PIGK: variants seen among roughly 807,000 people sequenced by gnomAD.
PIGK encodes GPI-anchor transamidase.
PIGK carries 42 observed loss-of-function variants against 50.6 expected under a neutral mutation model. The ratio of observed to expected loss-of-function variants is 0.83; its 90% CI spans 0.65 to 1.07. The LOEUF is 1.07. Among genes scored for constraint, PIGK ranks in the 50% least tolerant of loss-of-function variants. The pLI is 0.00. For missense variants in PIGK, 448 were observed against 488.7 expected (o/e 0.92, Z 0.78); for synonymous variants, 151 against 156.0 (o/e 0.97, Z 0.24).
intron 10 of PIGK, among the ~76,000 whole-genome samples, chr1:77,102,586 C>T (rs1207162242): frequency 6.6e-6 from 1 of 152,020 alleles, no homozygotes; most frequent in Non-Finnish European, 1.5e-5. Context: ...CTGATTCTTC[C>T]CCACACCCTC....
At chr1:77,169,437 G>T in intron 3 of PIGK, 42 bp from the exon 4 acceptor site, 1 of 1,481,588 alleles carries the variant, frequency 6.7e-7, no homozygotes. Flanking sequence ...TTAGATAAAA[G>T]GAAAAAGTTA....
chr1:77,195,177 C>A, intron 3 of PIGK: 1 of 1,215,236 alleles, frequency 8.2e-7, no homozygotes, highest in Non-Finnish European at 1.2e-6. Flanking sequence ...CAGAGGAGAC[C>A]CTCCTGTTCT....
intron 8 of PIGK, among the ~76,000 whole-genome samples, chr1:77,155,741 C>T (rs530192508): frequency 6.6e-6 from 1 of 152,092 alleles, no homozygotes; most frequent in South Asian, 2.1e-4. Context: ...ATATTATAGG[C>T]CTGCCAGGAA....
At chr1:77,211,379 A>G (rs1479818650) in intron 1 of PIGK, among the ~76,000 whole-genome samples, 7 of 152,008 alleles carry the variant, frequency 4.6e-5, no homozygotes, top group African/African-American at 1.7e-4. Flanking sequence ...TAAGAAGGTT[A>G]TTACATAAAG....
chr1:77,170,725 T>G (rs1440692469), intron 3 of PIGK, among the ~76,000 whole-genome samples: 1 of 152,240 alleles, frequency 6.6e-6, no homozygotes, highest in Non-Finnish European at 1.5e-5. Context: ...ATCTTCACTC[T>G]ACCATTAAAA....
chr1:77,189,601 T>C (rs1655835557), intron 3 of PIGK, among the ~76,000 whole-genome samples: 1 of 151,228 alleles, frequency 6.6e-6, no homozygotes, highest in Non-Finnish European at 1.5e-5. Flanking sequence ...GACTCCAAGT[T>C]TCAGTTTTGG....
chr1:77,107,223 T>G (rs965438916), intron 10 of PIGK, among the ~76,000 whole-genome samples: 2 of 152,180 alleles, frequency 1.3e-5, no homozygotes, highest in African/African-American at 2.4e-5. Context: ...CTTGTGGGCA[T>G]TTAGTGCTAT....
At chr1:77,113,780 G>T (rs1338912212) in intron 10 of PIGK, among the ~76,000 whole-genome samples, 1 of 152,050 alleles carries the variant, frequency 6.6e-6, no homozygotes, top group Non-Finnish European at 1.5e-5. Flanking sequence ...CCTCAGAATA[G>T]GTGACCACAT....
chr1:77,136,520 G>A (rs1382293738), intron 9 of PIGK, among the ~76,000 whole-genome samples: 2 of 125,712 alleles, frequency 1.6e-5, no homozygotes, highest in Non-Finnish European at 3.2e-5. Context: ...CTGGGCGACA[G>A]AGCGAGACTC....
intron 6 of PIGK, 133 bp from the exon 7 acceptor site, chr1:77,161,844 C>T (rs1655135691): frequency 3.1e-6 from 2 of 636,982 alleles, no homozygotes; most frequent in Non-Finnish European, 5.7e-6. Context: ...CAGCAGAATT[C>T]CCAACAGAAA....
rs1653289694 is a variant in PIGK at position 77,091,183 on chromosome 1, T to C, written c.*1191A>G. On this transcript the variant is annotated 3_prime_UTR_variant, in exon 11 of 11. Coordinates refer to ENST00000370812, the MANE Select transcript of PIGK (RefSeq NM_005482.3). ...CCCCCAGACATAAATACTTAACTTT[T>C]AGGCTTTTCCTCTACTCATATGCAA... The C allele has an allele frequency of 6.6e-6, 1 of 152,212 alleles. No individual in the cohort carries two copies. Among genetic ancestry groups the C allele is most frequent in the South Asian group, 2.1e-4 (1 of 4,834 alleles). 9.4% of individuals were successfully genotyped at this position (152,212 alleles called of 1,614,324 possible).
chr1:77,154,586 A>G lies in PIGK; in HGVS notation c.849T>C (p.Thr283=). The change falls in exon 9 of 11, where the codon ACT becomes ACC. Residue 283 remains threonine (T), a synonymous_variant. Coordinates refer to ENST00000370812, the MANE Select transcript of PIGK (RefSeq NM_005482.3). Reference sequence around the variant, plus strand: ...GAAAAAGATCAGTGCGATGTCCAGGAGTAGACACACACAGACTTTTGGGAC... The same window carrying G: ...GAAAAAGATCAGTGCGATGTCCAGGGGTAGACACACACAGACTTTTGGGAC... The part of the protein sequence containing the change: ...QVCPKSLCVS[T]PGHRTDLFQR... 6.2e-7 allele frequency: 1 copy of G among 1,612,902 alleles called. No individual in the cohort carries two copies. The highest frequency in any genetic ancestry group is 1.3e-5 in the African/African-American group (1 of 75,014).
chr1:77,129,777 C>A, intron 9 of PIGK: 2 of 575,304 alleles, frequency 3.5e-6, no homozygotes, highest in Non-Finnish European at 5.3e-6. Context: ...GTTGCCCAAC[C>A]TATACATTAG....
At chr1:77,140,641 T>C (rs72683905) in intron 9 of PIGK, among the ~76,000 whole-genome samples, 437 of 152,284 alleles carry the variant, frequency 2.9e-3, no homozygotes, top group Middle Eastern at 6.8e-3. Context: ...AGTTACCTAA[T>C]TTCTGGATAT....
At chr1:77,180,087 T>C (rs938473436) in intron 3 of PIGK, among the ~76,000 whole-genome samples, 37 of 152,004 alleles carry the variant, frequency 2.4e-4, no homozygotes, top group African/African-American at 8.9e-4. Context: ...CAGTAACAAG[T>C]TTTTGTATCT....
chr1:77,207,503 C>T (rs1189989063), intron 2 of PIGK, among the ~76,000 whole-genome samples: 4 of 151,980 alleles, frequency 2.6e-5, no homozygotes, highest in Admixed American at 6.6e-5. Context: ...ACATATAAAA[C>T]AGTTGTAAAT....
intron 9 of PIGK, among the ~76,000 whole-genome samples, chr1:77,150,104 A>G (rs1262183988): frequency 6.6e-6 from 1 of 152,180 alleles, no homozygotes; most frequent in East Asian, 1.9e-4. Flanking sequence ...ATTAAAAGGA[A>G]AGTTTATAGC....
chr1:77,190,110 G>A (rs529456604), intron 3 of PIGK, among the ~76,000 whole-genome samples: 4 of 151,980 alleles, frequency 2.6e-5, no homozygotes, highest in South Asian at 4.2e-4. Context: ...TTTAATAGCC[G>A]GGCATAGTGG....
At chr1:77,159,356 C>G (rs1655083732) in intron 8 of PIGK, among the ~76,000 whole-genome samples, 1 of 152,168 alleles carries the variant, frequency 6.6e-6, no homozygotes, top group Admixed American at 6.5e-5. Context: ...TCATGGAGAA[C>G]CTCTGCTAGG....
Sources: gnomAD v4.1 joint callset for allele counts (sites outside exome capture counted in the v4.1 genomes callset) on GRCh38, gnomAD v4.1.1 for gene constraint, MANE v1.5 for transcripts, NCBI Gene and HGNC (gene_info 2026-07-23, HGNC 2026-07-21) for gene names.